Variants in ZNF473 observed in about 807,000 individuals in gnomAD.
The protein encoded by ZNF473 is zinc finger protein 473.
ZNF473 carries 4 observed loss-of-function variants against 11.1 expected under a neutral mutation model. The observed-to-expected ratio is 0.36, with a 90% CI of 0.18 to 0.82. The LOEUF (loss-of-function observed/expected upper bound fraction) is 0.82, where lower values mean the gene tolerates loss of function less well. ZNF473 is among the 40% of genes least tolerant of loss of function. The pLI is 0.49. For synonymous variants in ZNF473, 404 were observed against 390.4 expected (o/e 1.03, Z -0.41); for missense variants, 854 against 1,084.0 (o/e 0.79, Z 2.98).
chr19:50,029,826 A>G (rs981862150), intron 1 of ZNF473, among the ~76,000 whole-genome samples: 4 of 151,932 alleles, frequency 2.6e-5, no homozygotes, highest in South Asian at 2.1e-4. Context: ...GTTTAGTTAC[A>G]CTGTGTGTTT....
chr19:50,032,319 A>G (rs2077322644), intron 2 of ZNF473, among the ~76,000 whole-genome samples: 1 of 151,700 alleles, frequency 6.6e-6, no homozygotes, highest in South Asian at 2.1e-4. Flanking sequence ...TATAAGTACC[A>G]GAAATTGACT....
At chr19:50,043,447 AAATATATATATAT>A (rs1978892979) in intron 4 of ZNF473, 1 of 102,944 alleles carries the variant, frequency 9.7e-6, no homozygotes, top group African/African-American at 3.8e-5. Flanking sequence ...AAAAAAAAAA[AAATATATATATAT>A]ATATATATAT....
At position 50,045,699 on chromosome 19, in the gene ZNF473, A is replaced by C. The variant is rs1225240322; in HGVS notation, c.1256A>C (p.Lys419Thr). 5 of 1,614,036 alleles carry C rather than the reference A, an allele frequency of 3.1e-6. No homozygotes were observed. The African/African-American group carries it at 6.7e-5, about 22-fold the overall frequency. The change falls in exon 5 of 5, where the codon AAG (lysine) becomes ACG (threonine). Residue 419 changes from lysine to threonine, a missense_variant. By Grantham distance (78) the Lys-to-Thr change is moderately conservative. Coordinates refer to ENST00000270617, the MANE Select transcript of ZNF473 (RefSeq NM_015428.4). ...TCCTTCAGGCATAACTCTACCCTAAAGATCCATCAGAGGGTTCACAGTGGA... is the reference window on the plus strand; with the variant it reads ...TCCTTCAGGCATAACTCTACCCTAACGATCCATCAGAGGGTTCACAGTGGA... Reference protein sequence around the residue: ...GKSFRHNSTLKIHQRVHSGEK... With the variant: ...GKSFRHNSTLTIHQRVHSGEK...
Position 50,046,253 on chromosome 19 carries a change from A to G in ZNF473, c.1810A>G (p.Thr604Ala). ...GTGTGGGAAAGCCTTTGGCCAAAGT[A>G]CTCGGCTCATTCACCATCAAAGAAT... ...DQCGKAFGQS[T>A]RLIHHQRIHS... The change falls in exon 5 of 5, where the codon ACT (threonine) becomes GCT (alanine). Residue 604 changes from threonine (T) to alanine (A), a missense_variant. Coordinates refer to ENST00000270617, the MANE Select transcript of ZNF473 (RefSeq NM_015428.4). This position sits in a 1 kb window ranked among gnomAD's most constrained non-coding sequence, Gnocchi z 5.9. 6.2e-7 allele frequency: 1 copy of G among 1,614,026 alleles called. No individual in the cohort carries two copies. Among genetic ancestry groups the G allele is most frequent in the Admixed American group, 1.7e-5 (1 of 60,020 alleles).
rs1978680744 is a variant in ZNF473, at chr19:50,039,934, T to C, written c.136+647T>C. ...GGCCCAGCAGACAGCTCTAAACTAATGAATGATTGAGTAGCAGCTCTTAGG... is the reference window on the plus strand; with the variant it reads ...GGCCCAGCAGACAGCTCTAAACTAACGAATGATTGAGTAGCAGCTCTTAGG... On this transcript the variant is annotated intron_variant, in intron 3 of 4. Transcript: ENST00000270617. The surrounding 1 kb of genome is among the most constrained non-coding windows in gnomAD (Gnocchi z 4.8). Among the ~76,000 whole-genome samples the C allele has an allele frequency of 6.6e-6, 1 of 152,216 alleles. No individual in the cohort carries two copies. Among genetic ancestry groups the C allele is most frequent in the South Asian group, 2.1e-4 (1 of 4,832 alleles).
chr19:50,035,915 C>T (rs970485344), intron 2 of ZNF473, among the ~76,000 whole-genome samples: 1 of 152,142 alleles, frequency 6.6e-6, no homozygotes, highest in African/African-American at 2.4e-5. Context: ...CTCGTGCCAC[C>T]CCACCACCTA....
intron 4 of ZNF473, chr19:50,043,463 ATAT>A (rs1267570108): frequency 6.9e-6 from 1 of 145,454 alleles, no homozygotes; most frequent in East Asian, 2.0e-4. Flanking sequence ...ATATATATAT[ATAT>A]ATATATATAG....
chr19:50,046,851 A>AG lies in ZNF473; in HGVS notation c.2409dup (p.His804AlafsTer14). On this transcript the variant is annotated frameshift_variant, in exon 5 of 5. Transcript: ENST00000270617. LOFTEE classifies it low-confidence loss of function (END_TRUNC). The surrounding 1 kb of genome is among the most constrained non-coding windows in gnomAD (Gnocchi z 5.9). ...TTTGCCCAGAAAGCAAATCTAACAC[A>AG]GCACCAGAGAATTCACACAGGGGAG... The AG allele has an allele frequency of 6.2e-7, 1 of 1,614,174 alleles. No individual in the cohort carries two copies. The highest frequency in any genetic ancestry group is 8.5e-7 in the Non-Finnish European group (1 of 1,180,034).
At chr19:50,037,963 A>C (rs1438395824) in intron 2 of ZNF473, among the ~76,000 whole-genome samples, 1 of 150,654 alleles carries the variant, frequency 6.6e-6, no homozygotes, top group Non-Finnish European at 1.5e-5. Flanking sequence ...CATTTACCCT[A>C]CCTGTCCTAT....
At position 50,039,113 on chromosome 19, in the gene ZNF473, C is replaced by G; in HGVS notation, c.10-48C>G. ...AGTGCCCTGAGTGAGCTGTTGGGCT[C>G]CTCCCTGACCCCAGCCTCTGAGTGA... is the stretch of plus-strand genomic sequence containing the variant. On this transcript the variant is annotated intron_variant, in intron 2 of 4. Transcript: ENST00000270617. The surrounding 1 kb of genome is among the most constrained non-coding windows in gnomAD (Gnocchi z 4.8). 3 of 1,607,524 alleles carry G rather than the reference C, an allele frequency of 1.9e-6. No individual in the cohort carries two copies. Among genetic ancestry groups the G allele is most frequent in the Non-Finnish European group, 2.6e-6 (3 of 1,175,218 alleles).
At chr19:50,032,885 A>G (rs2077325253) in intron 2 of ZNF473, among the ~76,000 whole-genome samples, 1 of 152,170 alleles carries the variant, frequency 6.6e-6, no homozygotes, top group Non-Finnish European at 1.5e-5. Context: ...TCCTCCCTGT[A>G]TCTTCACATT....
chr19:50,040,815 T>C (rs986466927), intron 3 of ZNF473, among the ~76,000 whole-genome samples: 16 of 152,370 alleles, frequency 1.1e-4, no homozygotes, highest in African/African-American at 2.6e-4. Context: ...TCTCATCACA[T>C]TGGGGCAGAC....
At position 50,030,901 on chromosome 19, in the gene ZNF473, C is replaced by T. The variant is rs1282885230; in HGVS notation, c.-182C>T. Reference sequence around the variant, plus strand: ...TTGTTGTCCCCTGCAGGGAGACTCACATTGGGACTTGTCCTCCTCCTCCTG... The same window carrying T: ...TTGTTGTCCCCTGCAGGGAGACTCATATTGGGACTTGTCCTCCTCCTCCTG... On this transcript the variant is annotated 5_prime_UTR_variant, in exon 2 of 5. Transcript: ENST00000270617. 1.0e-5 allele frequency: 8 copies of T among 783,108 alleles called. No homozygotes were observed. Among genetic ancestry groups the T allele is most frequent in the Non-Finnish European group, 1.7e-5 (8 of 469,166 alleles). 48.5% of individuals were successfully genotyped at this position (783,108 alleles called of 1,614,324 possible).
In ZNF473 at chr19:50,045,801, A is replaced by C; in HGVS notation, c.1358A>C (p.His453Pro). 6.2e-7 allele frequency: 1 copy of C among 1,614,170 alleles called. No homozygotes were observed. Among genetic ancestry groups the C allele is most frequent in the Non-Finnish European group, 8.5e-7 (1 of 1,180,032 alleles). Residue 453 changes from histidine to proline, a missense_variant, in exon 5 of 5, where the codon CAT (histidine) becomes CCT (proline). Physicochemically the swap from His to Pro is moderately conservative, Grantham distance 77 (BLOSUM62 -2). This residue lies in a region of ZNF473 where 668 missense variants were observed against 790.2 expected (regional missense o/e 0.85). Coordinates refer to ENST00000270617, the MANE Select transcript of ZNF473 (RefSeq NM_015428.4). ...CACCTTAATGAACATCGGCGAATTC[A>C]TACAGGCTACAGACCCCACAAATGT... is the stretch of plus-strand genomic sequence containing the variant. ...HTHLNEHRRI[H>P]TGYRPHKCQE...
At chr19:50,044,457 A>C (rs1312837160) in intron 4 of ZNF473, among the ~76,000 whole-genome samples, 2 of 151,906 alleles carry the variant, frequency 1.3e-5, no homozygotes, top group Non-Finnish European at 2.9e-5. Flanking sequence ...TAATGGTAGA[A>C]TCTCCCTCCT....
At chr19:50,032,817 G>A (rs2077324900) in intron 2 of ZNF473, among the ~76,000 whole-genome samples, 1 of 152,180 alleles carries the variant, frequency 6.6e-6, no homozygotes, top group Non-Finnish European at 1.5e-5. Flanking sequence ...GGCCAGCTTT[G>A]GTGTTCCTCG....
rs1454195528 is a variant in ZNF473 at position 50,047,622 on chromosome 19, T to C, written c.*563T>C. On this transcript the variant is annotated 3_prime_UTR_variant, in exon 5 of 5. Coordinates refer to ENST00000270617, the MANE Select transcript of ZNF473 (RefSeq NM_015428.4). The stretch of plus-strand genomic sequence containing the variant: ...TCTCCAGCACTTTACTCTTCTTAAG[T>C]GCCTGGCCTTTTTTGTCCCTTTATC... The C allele has an allele frequency of 6.5e-6, 1 of 152,782 alleles. No individual in the cohort carries two copies. Among genetic ancestry groups the C allele is most frequent in the Non-Finnish European group, 1.5e-5 (1 of 68,442 alleles). The allele number at this position is 152,782 out of a possible 1,614,324, so 9.5% of individuals were successfully genotyped here.
intron 2 of ZNF473, among the ~76,000 whole-genome samples, chr19:50,035,489 GTT>G (rs1712455828): frequency 6.6e-6 from 1 of 150,576 alleles, no homozygotes; most frequent in Non-Finnish European, 1.5e-5. Flanking sequence ...GTGTGTGTGT[GTT>G]TGGCTGTTCT....
intron 4 of ZNF473, chr19:50,042,509 C>CTCT (rs1225816796): frequency 6.6e-6 from 1 of 152,308 alleles, no homozygotes; most frequent in Non-Finnish European, 1.5e-5. Context: ...CTGCAGCCTC[C>CTCT]TCTTCAGCAC....
Sources: gnomAD v4.1 joint callset for allele counts (sites outside exome capture counted in the v4.1 genomes callset) on GRCh38, gnomAD v4.1.1 for gene constraint, gnomAD v4.1.1 regional missense constraint, Gnocchi (gnomAD v3.1) non-coding constraint, MANE v1.5 for transcripts, NCBI Gene and HGNC (gene_info 2026-07-23, HGNC 2026-07-21) for gene names.